Variants in ANGPT2 observed in about 807,000 individuals in gnomAD.
ANGPT2 encodes angiopoietin-2.
Under a neutral mutation model 62.9 loss-of-function variants are expected in ANGPT2, and 28 were observed. The ratio of observed to expected loss-of-function variants is 0.44; its 90% CI spans 0.33 to 0.61. The LOEUF (loss-of-function observed/expected upper bound fraction) is 0.61, where lower values mean the gene tolerates loss of function less well. Among genes scored for constraint, ANGPT2 ranks in the 20% least tolerant of loss-of-function variants. The pLI, the probability that ANGPT2 is intolerant of heterozygous loss-of-function variation, is 0.03. For missense variants in ANGPT2, 727 were observed against 594.9 expected (o/e 1.22, Z -2.31); for synonymous variants, 284 against 207.8 (o/e 1.37, Z -3.15).
At chr8:6,531,745 A>G (rs1269966180) in intron 2 of ANGPT2, among the ~76,000 whole-genome samples, 1 of 152,088 alleles carries the variant, frequency 6.6e-6, no homozygotes, top group Admixed American at 6.6e-5. Context: ...TGATGCATTT[A>G]TTTGGTTAGT....
At chr8:6,536,914 T>C (rs939767611) in intron 1 of ANGPT2, among the ~76,000 whole-genome samples, 28 of 139,246 alleles carry the variant, frequency 2.0e-4, no homozygotes, top group African/African-American at 6.8e-4. Context: ...CCCAGAAATA[T>C]AGAAACCTGC....
intron 7 of ANGPT2, among the ~76,000 whole-genome samples, chr8:6,511,829 G>C (rs2916755): frequency 6.6e-6 from 1 of 151,442 alleles, no homozygotes; most frequent in African/African-American, 2.4e-5. Context: ...TAATGTCAGC[G>C]TACAAGGGTA....
intron 2 of ANGPT2, among the ~76,000 whole-genome samples, chr8:6,529,199 G>C (rs994948157): frequency 2.0e-5 from 3 of 152,108 alleles, no homozygotes; most frequent in Non-Finnish European, 2.9e-5. Flanking sequence ...CCATCTGCAG[G>C]GGACTGTAAA....
At chr8:6,557,169 G>C (rs1002352446) in intron 1 of ANGPT2, among the ~76,000 whole-genome samples, 4 of 152,124 alleles carry the variant, frequency 2.6e-5, no homozygotes, top group Non-Finnish European at 5.9e-5. Context: ...GGAAAATTCT[G>C]CTTTTGTCAG....
intron 7 of ANGPT2, among the ~76,000 whole-genome samples, chr8:6,512,067 T>C (rs1815244039): frequency 1.3e-5 from 2 of 152,196 alleles, no homozygotes; most frequent in Non-Finnish European, 2.9e-5. Context: ...CAAACACCTA[T>C]CTTCTCATTC....
At chr8:6,554,768 T>C (rs1824297816) in intron 1 of ANGPT2, among the ~76,000 whole-genome samples, 1 of 151,638 alleles carries the variant, frequency 6.6e-6, no homozygotes, top group African/African-American at 2.4e-5. Context: ...AGCGGGAGAG[T>C]CCACAGGTTT....
At chr8:6,519,738 C>T (rs1034493660) in intron 5 of ANGPT2, 126 bp downstream of exon 5, 2 of 1,200,818 alleles carry the variant, frequency 1.7e-6, no homozygotes, top group African/African-American at 1.5e-5. Flanking sequence ...TGCCCAGTAA[C>T]TATGGCTTTG....
At chr8:6,552,396 A>G (rs146496390) in intron 1 of ANGPT2, among the ~76,000 whole-genome samples, 210 of 152,328 alleles carry the variant, frequency 1.4e-3, no homozygotes, top group Middle Eastern at 3.4e-3. Flanking sequence ...GAATACAGAC[A>G]TTTTACACAC....
chr8:6,526,187 C>T (rs141623357), intron 3 of ANGPT2, among the ~76,000 whole-genome samples: 351 of 139,614 alleles, frequency 2.5e-3, no homozygotes, highest in Middle Eastern at 4.0e-3. Flanking sequence ...TAGGATGCTG[C>T]GGTGGGCAGA....
chr8:6,528,544 A>T (rs187099794), intron 2 of ANGPT2, among the ~76,000 whole-genome samples: 1 of 152,182 alleles, frequency 6.6e-6, no homozygotes, highest in African/African-American at 2.4e-5. Flanking sequence ...GTTTGAACCA[A>T]TCGAAGCCGT....
chr8:6,534,396 G>T (rs1820129860), intron 1 of ANGPT2, among the ~76,000 whole-genome samples: 1 of 152,140 alleles, frequency 6.6e-6, no homozygotes, highest in Admixed American at 6.5e-5. Context: ...GAGCACCGTG[G>T]ATTTTGGTAT....
In ANGPT2 at chr8:6,527,598, A is replaced by C; in HGVS notation, c.523T>G (p.Leu175Val). 6.2e-7 allele frequency: 1 copy of C among 1,614,002 alleles called. No homozygotes were observed. Among genetic ancestry groups the C allele is most frequent in the Non-Finnish European group, 8.5e-7 (1 of 1,179,976 alleles). ...LSTNKLEKQILDQTSEINKLQ... is the reference protein window; with the variant it reads ...LSTNKLEKQIVDQTSEINKLQ... ...TTGTTTATTTCACTGGTCTGGTCCA[A>C]AATCTGTTTTTCCAATTTGTTTGTC... The change falls in exon 3 of 9, where the codon TTG becomes GTG. Residue 175 changes from leucine to valine, a missense_variant. Physicochemically the swap from Leu to Val is conservative, Grantham distance 32. Coordinates refer to ENST00000629816, the MANE Select transcript of ANGPT2 (RefSeq NM_001118887.2).
chr8:6,553,599 C>T (rs1824058979), intron 1 of ANGPT2, among the ~76,000 whole-genome samples: 2 of 152,154 alleles, frequency 1.3e-5, no homozygotes, highest in Admixed American at 1.3e-4. Context: ...TATCCCTTTG[C>T]CATAGTTTGG....
intron 3 of ANGPT2, among the ~76,000 whole-genome samples, chr8:6,522,272 G>A (rs1036411445): frequency 9.2e-5 from 14 of 151,550 alleles, no homozygotes; most frequent in Admixed American, 1.3e-4. Context: ...GGAGAATGGC[G>A]TGATCTCGGG....
chr8:6,553,813 T>C (rs1824111380), intron 1 of ANGPT2, among the ~76,000 whole-genome samples: 1 of 152,142 alleles, frequency 6.6e-6, no homozygotes, highest in Non-Finnish European at 1.5e-5. Flanking sequence ...ACGGTCCTTA[T>C]AAAGTCCCAC....
rs1211185257 is a variant in ANGPT2 at position 6,556,398 on chromosome 8, A to G, written c.288+6249T>C. Among the ~76,000 whole-genome samples, 7 of 152,140 alleles carry G rather than the reference A, an allele frequency of 4.6e-5. No homozygotes were observed. The East Asian group carries it at 1.4e-3, about 29-fold the overall frequency. The stretch of plus-strand genomic sequence containing the variant: ...AACCATTGAGAAATAGTTCTAATTG[A>G]TTTTCCTTTTATAAAAGGGTTTCCG... On this transcript the variant is annotated intron_variant, in intron 1 of 8. Transcript: ENST00000629816.
Position 6,500,768 on chromosome 8 carries a change from G to C in ANGPT2, c.*2333C>G, listed in dbSNP as rs552362193. 6.6e-6 allele frequency: 1 copy of C among 152,334 alleles called. No homozygotes were observed. Among genetic ancestry groups the C allele is most frequent in the South Asian group, 2.1e-4 (1 of 4,818 alleles). 9.4% of individuals were successfully genotyped at this position (152,334 alleles called of 1,614,324 possible). ...ACTGTTTGTTTGAAATACCGTGTAA[G>C]GAATTGAAGTGTAAAGTAAAAACAC... On this transcript the variant is annotated 3_prime_UTR_variant, in exon 9 of 9. Transcript: ENST00000629816.
At chr8:6,521,119 T>C in intron 4 of ANGPT2, 59 bp downstream of exon 4, 1 of 1,403,228 alleles carries the variant, frequency 7.1e-7, no homozygotes, top group Non-Finnish European at 9.8e-7. Context: ...TTTAGTCTTT[T>C]GAGTGTTTTA....
Position 6,501,358 on chromosome 8 carries a change from AGACTGGACTCT to A in ANGPT2, c.*1732_*1742del, listed in dbSNP as rs372939834. On this transcript the variant is annotated 3_prime_UTR_variant, in exon 9 of 9. Transcript: ENST00000629816. ...CAGACATATAGTAGATGCTAGTTAC[AGACTGGACTCT>A]GAACTTCCTTGCAAATGATTCAGAA... The A allele has an allele frequency of 3.9e-5, 6 of 152,342 alleles. No individual in the cohort carries two copies. The highest frequency in any genetic ancestry group is 1.4e-4 in the African/African-American group (6 of 41,588). 9.4% of individuals were successfully genotyped at this position (152,342 alleles called of 1,614,324 possible). A position where few individuals can be genotyped will look rare whatever the true frequency, so the allele number is the denominator to read the frequency against.
Sources: gnomAD v4.1 joint callset for allele counts (sites outside exome capture counted in the v4.1 genomes callset) on GRCh38, gnomAD v4.1.1 for gene constraint, MANE v1.5 for transcripts, NCBI Gene and HGNC (gene_info 2026-07-23, HGNC 2026-07-21) for gene names.